The following DPP10 variants were observed in gnomAD, a reference collection of about 807,000 sequenced individuals.
The protein encoded by DPP10 is inactive dipeptidyl peptidase 10.
DPP10 carries 33 observed loss-of-function variants against 120.9 expected under a neutral mutation model. That is an observed-to-expected ratio of 0.27 (90% CI 0.21 to 0.37). The LOEUF is 0.37. DPP10 is among the 10% of genes least tolerant of loss of function. The pLI, the probability that DPP10 is intolerant of heterozygous loss-of-function variation, is 1.00. For synonymous variants in DPP10, 337 were observed against 326.1 expected (o/e 1.03, Z -0.36); for missense variants, 816 against 942.8 (o/e 0.87, Z 1.76).
chr2:115,452,976 G>A (rs939945574), intron 3 of DPP10, among the ~76,000 whole-genome samples: 1 of 151,568 alleles, frequency 6.6e-6, no homozygotes. Flanking sequence ...CTTTCACTAC[G>A]TAAGGATGAG....
At chr2:115,835,416 G>A (rs1689378495) in intron 21 of DPP10, among the ~76,000 whole-genome samples, 1 of 152,154 alleles carries the variant, frequency 6.6e-6, no homozygotes, top group Non-Finnish European at 1.5e-5. Context: ...CGGTTATGTA[G>A]TTATTCTTCT....
chr2:115,294,130 A>G (rs2060779606), intron 1 of DPP10, among the ~76,000 whole-genome samples: 1 of 152,118 alleles, frequency 6.6e-6, no homozygotes, highest in Non-Finnish European at 1.5e-5. Flanking sequence ...TAGTTTGTTA[A>G]GTGCTACCAG....
chr2:114,514,838 A>T (rs1316392486), intron 1 of DPP10, among the ~76,000 whole-genome samples: 1 of 150,754 alleles, frequency 6.6e-6, no homozygotes, highest in East Asian at 2.0e-4. Flanking sequence ...GTTCCATCAG[A>T]GTATCTGCCC....
chr2:115,154,515 A>G (rs1225594695), intron 1 of DPP10, among the ~76,000 whole-genome samples: 2 of 152,222 alleles, frequency 1.3e-5, no homozygotes, highest in South Asian at 2.1e-4. Context: ...TGTAATTCCT[A>G]CATGTCAAGT....
At position 114,918,588 on chromosome 2, in the gene DPP10, A is replaced by T. The variant is rs184672418; in HGVS notation, c.61-390651A>T. ...AAACAGCATAAAGAAAATGCAGCAT[A>T]CATACACCATGGAATACTACAGAGC... On this transcript the variant is annotated intron_variant, in intron 1 of 25. Coordinates refer to ENST00000410059, the MANE Select transcript of DPP10 (RefSeq NM_020868.6). Among the ~76,000 whole-genome samples the T allele has an allele frequency of 3.9e-5, 6 of 152,324 alleles. No homozygotes were observed. In the East Asian group the frequency reaches 1.2e-3, roughly 29 times the overall value.
intron 12 of DPP10, among the ~76,000 whole-genome samples, chr2:115,767,644 G>T (rs1225773089): frequency 6.6e-6 from 1 of 151,798 alleles, no homozygotes; most frequent in Non-Finnish European, 1.5e-5. Flanking sequence ...GATTTAATGT[G>T]CCACCAGAGT....
At chr2:114,587,048 A>G (rs868440968) in intron 1 of DPP10, among the ~76,000 whole-genome samples, 4 of 152,166 alleles carry the variant, frequency 2.6e-5, no homozygotes, top group South Asian at 2.1e-4. Context: ...CTGTAATCCC[A>G]GCACTTTGGG....
intron 1 of DPP10, among the ~76,000 whole-genome samples, chr2:114,965,983 A>G (rs868644808): frequency 2.7e-4 from 39 of 146,698 alleles, no homozygotes; most frequent in Middle Eastern, 3.5e-3. Flanking sequence ...AAAAAAAAAA[A>G]AAAAGAAAAA....
chr2:114,649,225 A>T (rs1039111785), intron 1 of DPP10, among the ~76,000 whole-genome samples: 9 of 152,224 alleles, frequency 5.9e-5, no homozygotes, highest in Admixed American at 3.3e-4. Context: ...TTTTCTATTA[A>T]CCAGAAACAG....
chr2:114,891,458 A>T (rs1190757078), intron 1 of DPP10, among the ~76,000 whole-genome samples: 1 of 152,226 alleles, frequency 6.6e-6, no homozygotes, highest in Non-Finnish European at 1.5e-5. Flanking sequence ...AATGTTAAAC[A>T]CCAGATAAAT....
At chr2:115,566,596 T>A (rs973357036) in intron 5 of DPP10, among the ~76,000 whole-genome samples, 5 of 152,184 alleles carry the variant, frequency 3.3e-5, no homozygotes, top group African/African-American at 1.2e-4. Flanking sequence ...AAAGTCATCA[T>A]TCTAGGAACA....
chr2:114,522,006 G>A (rs1292947798), intron 1 of DPP10, among the ~76,000 whole-genome samples: 4 of 137,396 alleles, frequency 2.9e-5, no homozygotes, highest in African/African-American at 1.1e-4. Flanking sequence ...TTGAGACGGA[G>A]TCTCGCTCTG....
intron 1 of DPP10, among the ~76,000 whole-genome samples, chr2:114,964,941 G>C (rs1299252761): frequency 6.6e-6 from 1 of 152,200 alleles, no homozygotes; most frequent in Non-Finnish European, 1.5e-5. Context: ...GTTGAGAAAT[G>C]TTAAGATTTT....
chr2:114,573,009 G>T lies in DPP10; in HGVS notation c.60+130171G>T, dbSNP rs72951884. Among the ~76,000 whole-genome samples the T allele has an allele frequency of 3.0e-3, 451 of 152,290 alleles. 5 individuals carry two copies. The highest frequency in any genetic ancestry group is 0.01 in the African/African-American group (429 of 41,558). ...TTTGTTTGTTTATTTCTGAGACAAGGTCTTGCTGTGTTGTCCGAGACTAGA... is the reference window on the plus strand; with the variant it reads ...TTTGTTTGTTTATTTCTGAGACAAGTTCTTGCTGTGTTGTCCGAGACTAGA... On this transcript the variant is annotated intron_variant, in intron 1 of 25. Transcript: ENST00000410059.
At chr2:114,867,529 G>A (rs2106552088) in intron 1 of DPP10, among the ~76,000 whole-genome samples, 1 of 152,138 alleles carries the variant, frequency 6.6e-6, no homozygotes, top group East Asian at 1.9e-4. Flanking sequence ...TTCCTTATAA[G>A]TTAAAATCTC....
chr2:114,565,047 C>T (rs1283732321), intron 1 of DPP10, among the ~76,000 whole-genome samples: 1 of 152,140 alleles, frequency 6.6e-6, no homozygotes, highest in Non-Finnish European at 1.5e-5. Context: ...AAGCAATATA[C>T]AAGCAAATGT....
At chr2:114,788,470 C>G (rs1682957409) in intron 1 of DPP10, among the ~76,000 whole-genome samples, 1 of 148,998 alleles carries the variant, frequency 6.7e-6, no homozygotes, top group Admixed American at 6.7e-5. Flanking sequence ...GGCTGGAGTG[C>G]AGTGGCACAA....
At chr2:114,478,658 T>A (rs771304611) in intron 1 of DPP10, among the ~76,000 whole-genome samples, 96 of 152,210 alleles carry the variant, frequency 6.3e-4, no homozygotes, top group Non-Finnish European at 1.2e-3. Context: ...CATTTACAAA[T>A]TTCATAATTA....
chr2:114,479,090 C>T (rs1353258294), intron 1 of DPP10, among the ~76,000 whole-genome samples: 3 of 146,572 alleles, frequency 2.0e-5, no homozygotes, highest in Admixed American at 6.9e-5. Flanking sequence ...AATCTGTATG[C>T]TGAAAATGAC....
Sources: allele counts gnomAD v4.1 joint callset (sites outside exome capture counted in the v4.1 genomes callset), GRCh38; gene constraint gnomAD v4.1.1; transcripts MANE v1.5; gene names NCBI Gene and HGNC (gene_info 2026-07-23, HGNC 2026-07-21).